The following ARHGEF7 variants were observed in gnomAD, a reference collection of about 807,000 sequenced individuals.
ARHGEF7 encodes the protein PAK-interacting exchange factor beta.
Under a neutral mutation model 109.8 loss-of-function variants are expected in ARHGEF7, and 33 were observed. The ratio of observed to expected loss-of-function variants is 0.30; its 90% CI spans 0.23 to 0.40. The LOEUF (loss-of-function observed/expected upper bound fraction) is 0.40, where lower values mean the gene tolerates loss of function less well. Ranked by LOEUF, ARHGEF7 falls within the 10% of genes least tolerant of loss-of-function variation. The pLI is 1.00. For missense variants in ARHGEF7, 938 were observed against 1,098.5 expected (o/e 0.85, Z 2.07); for synonymous variants, 458 against 424.6 (o/e 1.08, Z -0.97).
intron 2 of ARHGEF7, among the ~76,000 whole-genome samples, chr13:111,156,443 G>A (rs1361395586): frequency 6.6e-6 from 1 of 152,344 alleles, no homozygotes; most frequent in East Asian, 1.9e-4. Context: ...TTCAAGCTTA[G>A]TGTGAGTCAC....
At chr13:111,140,860 A>T (rs763122077) in intron 1 of ARHGEF7, among the ~76,000 whole-genome samples, 1 of 151,954 alleles carries the variant, frequency 6.6e-6, no homozygotes, top group African/African-American at 2.4e-5. Context: ...TAATGTTTTT[A>T]TAGAGACAGG....
intron 2 of ARHGEF7, chr13:111,187,120 G>T: frequency 1.8e-6 from 1 of 561,694 alleles, no homozygotes; most frequent in Non-Finnish European, 2.3e-6. Flanking sequence ...TGTGGCCCTA[G>T]TGCTACAGTG....
intron 21 of ARHGEF7, among the ~76,000 whole-genome samples, chr13:111,302,289 A>G (rs1047423918): frequency 6.6e-6 from 1 of 152,188 alleles, no homozygotes; most frequent in Non-Finnish European, 1.5e-5. Context: ...CATTGCACGG[A>G]ATGTGAGTAC....
chr13:111,243,602 A>G (rs2088224915), intron 6 of ARHGEF7, among the ~76,000 whole-genome samples: 1 of 152,206 alleles, frequency 6.6e-6, no homozygotes, highest in Admixed American at 6.5e-5. Context: ...CTAAACAGAC[A>G]TGGCATCTGA....
chr13:111,120,340 C>T (rs546884992), intron 1 of ARHGEF7, among the ~76,000 whole-genome samples: 1 of 152,258 alleles, frequency 6.6e-6, no homozygotes, highest in African/African-American at 2.4e-5. Context: ...CACACAGACA[C>T]AGGAGAGCAC....
intron 2 of ARHGEF7, among the ~76,000 whole-genome samples, chr13:111,188,390 G>A (rs1223435885): frequency 3.9e-5 from 6 of 152,216 alleles, no homozygotes; most frequent in Non-Finnish European, 8.8e-5. Context: ...AGAGTGAGTT[G>A]CCTGTAGAAA....
In ARHGEF7 at chr13:111,273,916, C is replaced by T; in HGVS notation, c.1176C>T (p.Tyr392=). 3.1e-6 allele frequency: 5 copies of T among 1,614,166 alleles called. No homozygotes were observed. Among genetic ancestry groups the T allele is most frequent in the Non-Finnish European group, 3.4e-6 (4 of 1,180,034 alleles). ...LSKPFMRLDK[Y]PTLLKELERH... is the part of the protein sequence containing the mutation. ...AACCCTTCATGCGCCTGGATAAATACCCTACGCTGCTCAAAGAGCTCGAGA... is the reference window on the plus strand; with the variant it reads ...AACCCTTCATGCGCCTGGATAAATATCCTACGCTGCTCAAAGAGCTCGAGA... Residue 392 remains tyrosine (Y), a synonymous_variant, in exon 10 of 22, where the codon TAC becomes TAT. Coordinates refer to ENST00000646102, the MANE Select transcript of ARHGEF7 (RefSeq NM_001354046.2). This position sits in a 1 kb window ranked among gnomAD's most constrained non-coding sequence, Gnocchi z 4.5.
At position 111,272,042 on chromosome 13, in the gene ARHGEF7, C is replaced by T. The variant is rs1363673510; in HGVS notation, c.1074-1772C>T. Among the ~76,000 whole-genome samples, 2 of 152,198 alleles carry T rather than the reference C, an allele frequency of 1.3e-5. No individual in the cohort carries two copies. The highest frequency in any genetic ancestry group is 2.9e-5 in the Non-Finnish European group (2 of 68,034). On this transcript the variant is annotated intron_variant, in intron 9 of 21. Coordinates refer to ENST00000646102, the MANE Select transcript of ARHGEF7 (RefSeq NM_001354046.2). This position sits in a 1 kb window ranked among gnomAD's most constrained non-coding sequence, Gnocchi z 5.2. ...AGCGTTGAGATGTAAGTGGCCTTCT[C>T]AGAAGGTCTTACGTGCTTAGGAAGT...
At chr13:111,189,283 G>A (rs1458142474) in intron 2 of ARHGEF7, among the ~76,000 whole-genome samples, 1 of 152,166 alleles carries the variant, frequency 6.6e-6, no homozygotes, top group African/African-American at 2.4e-5. Flanking sequence ...GCAGACCCTC[G>A]CGGCGAGTGT....
chr13:111,237,334 ATAGT>A (rs1308795589), intron 6 of ARHGEF7, among the ~76,000 whole-genome samples: 5 of 152,240 alleles, frequency 3.3e-5, no homozygotes, highest in Admixed American at 1.3e-4. Context: ...TTGAAAAAAA[ATAGT>A]TAAACTCACC....
At chr13:111,248,586 C>A (rs114209410) in intron 8 of ARHGEF7, among the ~76,000 whole-genome samples, 1 of 152,138 alleles carries the variant, frequency 6.6e-6, no homozygotes, top group Non-Finnish European at 1.5e-5. Context: ...GGTTGAATGG[C>A]GTCTGCTGTG....
Position 111,221,366 on chromosome 13 carries a change from T to G in ARHGEF7, c.670+3486T>G, listed in dbSNP as rs1428040324. On this transcript the variant is annotated intron_variant, in intron 5 of 21. Transcript: ENST00000646102. ...CTATATATATGTCTATATATATATC[T>G]ATATATATATCTATATATATAGATG... is the stretch of plus-strand genomic sequence containing the variant. Among the ~76,000 whole-genome samples, 14 of 35,194 alleles carry G rather than the reference T, an allele frequency of 4.0e-4. 3 individuals carry two copies. Among genetic ancestry groups the G allele is most frequent in the Non-Finnish European group, 7.7e-4 (13 of 16,804 alleles). 23.1% of individuals were successfully genotyped at this position (35,194 alleles called of 152,430 possible). A position where few individuals can be genotyped will look rare whatever the true frequency, so the allele number is the denominator to read the frequency against.
At chr13:111,261,283 C>T (rs116934599) in intron 8 of ARHGEF7, among the ~76,000 whole-genome samples, 2,546 of 151,840 alleles carry the variant, frequency 0.017, 40 homozygotes, top group Middle Eastern at 0.075. Context: ...GAAAAAGATA[C>T]TCCATGCAAA....
chr13:111,131,705 GGT>G lies in ARHGEF7; in HGVS notation c.165+16019_165+16020del, dbSNP rs901836437. ...CCTGAGGTCAGGGGACGAGAGTGCT[GGT>G]GTGTTTCTGAGAGGTCAGGTGAGTG... On this transcript the variant is annotated intron_variant, in intron 1 of 21. Transcript: ENST00000646102. This position sits in a 1 kb window ranked among gnomAD's most constrained non-coding sequence, Gnocchi z 4.4. Among the ~76,000 whole-genome samples, 2 of 152,248 alleles carry G rather than the reference GGT, an allele frequency of 1.3e-5. No homozygotes were observed. The highest frequency in any genetic ancestry group is 1.3e-4 in the Admixed American group (2 of 15,298).
chr13:111,249,869 C>T (rs987668954), intron 8 of ARHGEF7, among the ~76,000 whole-genome samples: 4 of 152,142 alleles, frequency 2.6e-5, no homozygotes, highest in African/African-American at 9.7e-5. Context: ...GCTCTCTGTT[C>T]GGCAACAAAA....
intron 13 of ARHGEF7, among the ~76,000 whole-genome samples, chr13:111,279,536 C>T (rs577030608): frequency 3.9e-5 from 6 of 152,366 alleles, no homozygotes; most frequent in African/African-American, 7.2e-5. Context: ...CCCCAGGCAG[C>T]GCTGCCCAGA....
chr13:111,194,734 A>G (rs539789803), intron 2 of ARHGEF7, among the ~76,000 whole-genome samples: 2 of 152,326 alleles, frequency 1.3e-5, no homozygotes, highest in Non-Finnish European at 1.5e-5. Context: ...TCTTGGGCCA[A>G]TGCCTGACCA....
chr13:111,165,477 A>C (rs2077054425), intron 2 of ARHGEF7, among the ~76,000 whole-genome samples: 1 of 152,206 alleles, frequency 6.6e-6, no homozygotes, highest in Admixed American at 6.5e-5. Flanking sequence ...CTGTTTTGCC[A>C]CCGTGACAAT....
chr13:111,225,013 G>A (rs2084998130), intron 5 of ARHGEF7, among the ~76,000 whole-genome samples: 1 of 152,166 alleles, frequency 6.6e-6, no homozygotes, highest in Non-Finnish European at 1.5e-5. Context: ...GCGTATTATA[G>A]CATTATGTAC....
Sources: gnomAD v4.1 joint callset for allele counts (sites outside exome capture counted in the v4.1 genomes callset) on GRCh38, gnomAD v4.1.1 for gene constraint, Gnocchi (gnomAD v3.1) non-coding constraint, MANE v1.5 for transcripts, NCBI Gene and HGNC (gene_info 2026-07-23, HGNC 2026-07-21) for gene names.